Variants in TRHDE observed in about 807,000 individuals in gnomAD.
TRHDE encodes the protein thyrotropin releasing hormone degrading enzyme, also known as thyrotropin-releasing hormone-degrading ectoenzyme.
TRHDE carries 72 observed loss-of-function variants against 125.7 expected under a neutral mutation model. The observed-to-expected ratio is 0.57, with a 90% CI of 0.47 to 0.70. TRHDE has a LOEUF of 0.70. Ranked by LOEUF, TRHDE falls within the 30% of genes least tolerant of loss-of-function variation. TRHDE has a pLI of 0.00. For missense variants in TRHDE, 1,110 were observed against 1,327.1 expected, an observed-to-expected ratio of 0.84 and a Z score of 2.54; for synonymous variants, 509 against 509.1, an observed-to-expected ratio of 1.00 and a Z score of 0.00.
intron 2 of TRHDE, among the ~76,000 whole-genome samples, chr12:72,174,037 T>C (rs572254004): frequency 6.6e-6 from 1 of 152,322 alleles, no homozygotes; most frequent in South Asian, 2.1e-4. Flanking sequence ...AACTTAGCCA[T>C]GTGACTTGCC....
At chr12:72,468,225 A>C (rs188212894) in intron 3 of TRHDE, among the ~76,000 whole-genome samples, 1 of 152,330 alleles carries the variant, frequency 6.6e-6, no homozygotes, top group African/African-American at 2.4e-5. Flanking sequence ...TTGTTTTTAA[A>C]TAGTAGATGT....
At chr12:72,645,070 A>G (rs1874226037) in intron 15 of TRHDE, among the ~76,000 whole-genome samples, 1 of 152,220 alleles carries the variant, frequency 6.6e-6, no homozygotes, top group South Asian at 2.1e-4. Context: ...ACGTGTAGAC[A>G]TGAACTGATA....
intron 18 of TRHDE, among the ~76,000 whole-genome samples, chr12:72,658,029 T>C (rs1221917605): frequency 6.6e-6 from 1 of 152,136 alleles, no homozygotes; most frequent in Non-Finnish European, 1.5e-5. Flanking sequence ...TTGTCCAGTT[T>C]CCTATGATTA....
chr12:72,341,272 A>G (rs1289372709), intron 2 of TRHDE, among the ~76,000 whole-genome samples: 2 of 151,736 alleles, frequency 1.3e-5, no homozygotes, highest in Non-Finnish European at 2.9e-5. Flanking sequence ...TCCTAATGCT[A>G]TCCGTCCCCC....
chr12:72,165,323 C>T (rs748700968), intron 2 of TRHDE, among the ~76,000 whole-genome samples: 21 of 152,162 alleles, frequency 1.4e-4, no homozygotes, highest in South Asian at 4.1e-4. Flanking sequence ...CAAGCACATA[C>T]CATAAATCTT....
intron 15 of TRHDE, among the ~76,000 whole-genome samples, chr12:72,638,270 G>A (rs1281986708): frequency 6.7e-6 from 1 of 150,364 alleles, no homozygotes; most frequent in African/African-American, 2.5e-5. Context: ...GGCCTTCTTT[G>A]TCTCTTTTGA....
intron 1 of TRHDE, among the ~76,000 whole-genome samples, chr12:72,278,362 G>A (rs1430334224): frequency 6.6e-6 from 1 of 152,090 alleles, no homozygotes; most frequent in African/African-American, 2.4e-5. Context: ...GGTTGGTTCT[G>A]TATCTCGGCT....
intron 15 of TRHDE, among the ~76,000 whole-genome samples, chr12:72,623,814 GTTTAA>G (rs774272023): frequency 2.0e-5 from 3 of 152,016 alleles, no homozygotes; most frequent in African/African-American, 4.8e-5. Context: ...ATGCATTGCT[GTTTAA>G]TTTAATAATT....
intron 2 of TRHDE, among the ~76,000 whole-genome samples, chr12:72,147,004 C>G (rs1326113439): frequency 2.6e-5 from 4 of 152,126 alleles, no homozygotes; most frequent in Non-Finnish European, 5.9e-5. Context: ...CGGCCCTGGC[C>G]GAACTCCCCT....
chr12:72,378,107 C>T lies in TRHDE; in HGVS notation c.1301C>T (p.Ser434Phe). The T allele has an allele frequency of 1.3e-6, 2 of 1,576,560 alleles. No individual in the cohort carries two copies. The highest frequency in any genetic ancestry group is 1.7e-6 in the Non-Finnish European group (2 of 1,168,560). The change falls in exon 3 of 19, where the codon TCC (serine) becomes TTC (phenylalanine). Residue 434 changes from serine (S) to phenylalanine (F), a missense_variant. Ser to Phe is a radical substitution (Grantham distance 155). Transcript: ENST00000261180. ...FYEDYFKVPY[S>F]LPKLDLLAVP... ...GAAGACTACTTTAAAGTGCCCTATT[C>T]CTTGCCAAAACTAGGTAAGAATTTT...
chr12:72,644,936 A>G (rs907777828), intron 15 of TRHDE, among the ~76,000 whole-genome samples: 2 of 152,192 alleles, frequency 1.3e-5, no homozygotes, highest in African/African-American at 4.8e-5. Context: ...AGACAAAACC[A>G]CAGCTACCTG....
At chr12:72,276,454 C>G (rs1260731517) in intron 1 of TRHDE, among the ~76,000 whole-genome samples, 2 of 152,194 alleles carry the variant, frequency 1.3e-5, no homozygotes, top group Non-Finnish European at 2.9e-5. Flanking sequence ...AACACTAACT[C>G]ATTAAAATCC....
chr12:72,567,324 A>C (rs1178687723), intron 9 of TRHDE, among the ~76,000 whole-genome samples: 1 of 151,406 alleles, frequency 6.6e-6, no homozygotes, highest in African/African-American at 2.4e-5. Context: ...TTTTTTTTTC[A>C]TTAAGTATAG....
intron 2 of TRHDE, among the ~76,000 whole-genome samples, chr12:72,294,790 A>G (rs1880224701): frequency 6.6e-6 from 1 of 152,024 alleles, no homozygotes; most frequent in East Asian, 2.0e-4. Context: ...GCAGGCCAGC[A>G]TCAAGCTGCC....
chr12:72,183,948 A>G (rs1285822155), intron 2 of TRHDE, among the ~76,000 whole-genome samples: 1 of 152,230 alleles, frequency 6.6e-6, no homozygotes, highest in Non-Finnish European at 1.5e-5. Flanking sequence ...TCACTCAAAA[A>G]TAAAAACCAG....
chr12:72,336,000 A>G (rs1337034916), intron 2 of TRHDE, among the ~76,000 whole-genome samples: 1 of 152,250 alleles, frequency 6.6e-6, no homozygotes, highest in African/African-American at 2.4e-5. Flanking sequence ...TTTGTTAGAC[A>G]TAAGCACATT....
At chr12:72,199,460 A>G (rs2139353887) in intron 2 of TRHDE, among the ~76,000 whole-genome samples, 1 of 152,266 alleles carries the variant, frequency 6.6e-6, no homozygotes, top group Non-Finnish European at 1.5e-5. Context: ...GGCTGGTGAA[A>G]CTACCTGGAA....
chr12:72,430,840 G>A (rs1380235363), intron 3 of TRHDE, among the ~76,000 whole-genome samples: 1 of 151,990 alleles, frequency 6.6e-6, no homozygotes, highest in African/African-American at 2.4e-5. Flanking sequence ...TGTCAGGCTG[G>A]AGAGTATTGT....
chr12:72,238,731 T>C (rs1028923652), intron 2 of TRHDE, among the ~76,000 whole-genome samples: 1 of 152,172 alleles, frequency 6.6e-6, no homozygotes, highest in Non-Finnish European at 1.5e-5. Flanking sequence ...ACTCATCCTT[T>C]TTTATGGCCG....
Sources: gnomAD v4.1 joint callset for allele counts (sites outside exome capture counted in the v4.1 genomes callset) on GRCh38, gnomAD v4.1.1 for gene constraint, MANE v1.5 for transcripts, NCBI Gene and HGNC (gene_info 2026-07-23, HGNC 2026-07-21) for gene names.